The following SI variants were observed in gnomAD, a reference collection of about 807,000 sequenced individuals.
SI encodes the protein sucrase-isomaltase, intestinal.
In SI, 235 loss-of-function variants were observed where a neutral mutation model predicts 253.3. The ratio of observed to expected loss-of-function variants is 0.93; its 90% confidence interval spans 0.83 to 1.03. The LOEUF (loss-of-function observed/expected upper bound fraction) is 1.03. SI is among the 50% of genes least tolerant of loss of function. The pLI is 0.00. For synonymous variants in SI, 819 were observed against 712.0 expected (o/e 1.15, Z -2.39); for missense variants, 2,442 against 2,211.1 (o/e 1.10, Z -2.09).
In SI at chr3:165,075,996, AAT is replaced by A; in HGVS notation, c.15_16del (p.Lys5AsnfsTer2). On this transcript the variant is annotated frameshift_variant, in exon 2 of 48. Coordinates refer to ENST00000264382, the MANE Select transcript of SI (RefSeq NM_001041.4). LOFTEE classifies it high-confidence loss of function. ...AATCAGAGAGATTTCCAATCCACTAAATTTCTTTCTTGCCATCTAAAAACAGA... is the reference window on the plus strand; with the variant it reads ...AATCAGAGAGATTTCCAATCCACTAATTCTTTCTTGCCATCTAAAAACAGA... 6.3e-7 allele frequency: 1 copy of A among 1,586,134 alleles called. No homozygotes were observed. The highest frequency in any genetic ancestry group is 8.6e-7 in the Non-Finnish European group (1 of 1,159,866).
chr3:165,062,295 T>C (rs1375539005), intron 9 of SI, 76 bp downstream of exon 9: 4 of 763,100 alleles, frequency 5.2e-6, no homozygotes, highest in Non-Finnish European at 7.1e-6. Context: ...TAAAATAAAG[T>C]CATCTAAATA....
chr3:165,040,942 A>G lies in SI; in HGVS notation c.2157T>C (p.His719=). The change falls in exon 18 of 48, where the codon CAT becomes CAC. Residue 719 remains histidine, a splice_region_variant and synonymous_variant. Transcript: ENST00000264382. ...FGETVARPVL[H]EFYEDTNSWI... ...TAATTATTGTACGTAGTACTCACTC[A>G]TGAAGAACTGGTCTTGCTACTGTTT... The G allele has an allele frequency of 6.2e-7, 1 of 1,607,950 alleles. No homozygotes were observed. Among genetic ancestry groups the G allele is most frequent in the Non-Finnish European group, 8.5e-7 (1 of 1,174,852 alleles).
chr3:164,988,705 GAGA>G (rs1276571922), intron 44 of SI, among the ~76,000 whole-genome samples: 1 of 152,146 alleles, frequency 6.6e-6, no homozygotes, highest in Non-Finnish European at 1.5e-5. Flanking sequence ...AAGAAAAACA[GAGA>G]CAGGGTCCTC....
intron 13 of SI, among the ~76,000 whole-genome samples, chr3:165,051,220 T>C (rs1356552890): frequency 6.6e-6 from 1 of 152,060 alleles, no homozygotes; most frequent in Non-Finnish European, 1.5e-5. Flanking sequence ...CATAAAAGTT[T>C]CTAACTATGG....
At chr3:165,018,345 T>C (rs1427693790) in intron 28 of SI, among the ~76,000 whole-genome samples, 4 of 150,756 alleles carry the variant, frequency 2.7e-5, no homozygotes, top group Non-Finnish European at 5.9e-5. Context: ...ATATACAATA[T>C]GTAACAACTG....
intron 13 of SI, among the ~76,000 whole-genome samples, chr3:165,051,093 TTATAAC>T (rs1279992859): frequency 6.6e-6 from 1 of 152,084 alleles, no homozygotes; most frequent in Non-Finnish European, 1.5e-5. Flanking sequence ...TTTCATAAAA[TTATAAC>T]TATAACTAGA....
At chr3:165,059,335 C>T (rs765127631) in intron 10 of SI, 36 bp from the exon 11 acceptor site, 2 of 1,589,554 alleles carry the variant, frequency 1.3e-6, no homozygotes, top group African/African-American at 1.3e-5. Flanking sequence ...ATACATAGTA[C>T]TGAAAGAGCT....
At chr3:165,050,254 T>C (rs576659947) in intron 13 of SI, among the ~76,000 whole-genome samples, 1 of 152,286 alleles carries the variant, frequency 6.6e-6, no homozygotes, top group Non-Finnish European at 1.5e-5. Context: ...TTACCTAGTT[T>C]CTATGATGTG....
intron 29 of SI, 34 bp downstream of exon 29, chr3:165,017,936 A>C (rs540528185): frequency 6.3e-7 from 1 of 1,584,802 alleles, no homozygotes; most frequent in African/African-American, 1.3e-5. Flanking sequence ...AAAGTCACAT[A>C]AAATAAGAGA....
chr3:165,038,226 T>C (rs1712634605), intron 20 of SI, among the ~76,000 whole-genome samples: 1 of 151,754 alleles, frequency 6.6e-6, no homozygotes, highest in Admixed American at 6.6e-5. Context: ...TTCTCAAAAA[T>C]AAAAAAATCA....
upstream of SI, among the ~76,000 whole-genome samples, chr3:165,081,141 C>A (rs144053232): frequency 0.01 from 1,540 of 151,790 alleles, 24 homozygotes; most frequent in African/African-American, 0.035. Flanking sequence ...TAAATGTATT[C>A]AATTATAAGC....
At chr3:165,064,415 A>G (rs909794345) in intron 7 of SI, among the ~76,000 whole-genome samples, 3 of 152,134 alleles carry the variant, frequency 2.0e-5, no homozygotes, top group African/African-American at 7.2e-5. Flanking sequence ...GATTAGTAAA[A>G]TTTATTAATA....
intron 10 of SI, 98 bp from the exon 11 acceptor site, chr3:165,059,397 C>G (rs917396357): frequency 8.4e-7 from 1 of 1,190,624 alleles, no homozygotes; most frequent in African/African-American, 1.5e-5. Context: ...TAAACATAAC[C>G]CTTAAAAAAT....
At chr3:165,090,079 G>C in the SI span, among the ~76,000 whole-genome samples, 3 of 151,734 alleles carry the variant, frequency 2.0e-5, no homozygotes, top group Non-Finnish European at 4.4e-5. Flanking sequence ...TGAATGTAAT[G>C]GTATTAGGAG....
chr3:164,982,181 G>T, intron 47 of SI, 62 bp downstream of exon 47: 1 of 1,235,416 alleles, frequency 8.1e-7, no homozygotes. Context: ...AGGGATATAA[G>T]AAGTCCATGT....
At position 165,059,272 on chromosome 3, in the gene SI, T is replaced by C. The variant is rs750073419; in HGVS notation, c.1174A>G (p.Met392Val). 1.2e-6 allele frequency: 2 copies of C among 1,612,664 alleles called. No homozygotes were observed. The highest frequency in any genetic ancestry group is 1.7e-5 in the Admixed American group (1 of 59,846). The change falls in exon 11 of 48, where the codon ATG becomes GTG. Residue 392 changes from methionine (M) to valine (V), a missense_variant. Transcript: ENST00000264382. ...FDTQVTDIDYMEDKKDFTYDQ... is the reference protein window; with the variant it reads ...FDTQVTDIDYVEDKKDFTYDQ... ...TAAGTAAAGTCTTTCTTGTCTTCCA[T>C]GTAGTCAATATCAGTGACCTGTGTA...
intron 22 of SI, among the ~76,000 whole-genome samples, chr3:165,036,006 ATGT>A (rs1712510849): frequency 1.3e-5 from 2 of 151,860 alleles, no homozygotes; most frequent in Admixed American, 1.3e-4. Flanking sequence ...AAATCTTTAA[ATGT>A]TGGTTTTATT....
At chr3:165,001,109 T>C (rs1195739014) in intron 37 of SI, among the ~76,000 whole-genome samples, 1 of 151,342 alleles carries the variant, frequency 6.6e-6, no homozygotes, top group Admixed American at 6.6e-5. Context: ...TCATAGTTTC[T>C]AAAAGAAAAT....
intron 8 of SI, among the ~76,000 whole-genome samples, chr3:165,062,774 C>A (rs1156234948): frequency 6.6e-6 from 1 of 151,890 alleles, no homozygotes; most frequent in Non-Finnish European, 1.5e-5. Context: ...AGTTCTCTGG[C>A]GACCAAAAGA....
Sources: gnomAD v4.1 joint callset for allele counts (sites outside exome capture counted in the v4.1 genomes callset) on GRCh38, gnomAD v4.1.1 for gene constraint, MANE v1.5 for transcripts, NCBI Gene and HGNC (gene_info 2026-07-23, HGNC 2026-07-21) for gene names.